Variants in ABCC1 observed in about 807,000 individuals in gnomAD.
The protein encoded by ABCC1 is multidrug resistance-associated protein 1.
ABCC1 carries 83 observed loss-of-function variants against 172.9 expected under a neutral mutation model. The ratio of observed to expected loss-of-function variants is 0.48; its 90% CI spans 0.40 to 0.58. The LOEUF is 0.58. Among genes scored for constraint, ABCC1 ranks in the 20% least tolerant of loss-of-function variants. The probability of loss-of-function intolerance (pLI) is 0.00; values close to 1 mark genes in which losing one functional copy is unlikely to be tolerated. For synonymous variants in ABCC1, 937 were observed against 825.2 expected, an observed-to-expected ratio of 1.14 and a Z score of -2.32; for missense variants, 1,817 against 2,002.7, an observed-to-expected ratio of 0.91 and a Z score of 1.77.
Position 16,006,189 on chromosome 16 carries a change from T to C in ABCC1, c.49-1627T>C, listed in dbSNP as rs58380698. ...TTGAATTGTGGTGGAGATAGGAAATTGAGACCCCAAAAAGGGTAGTAAGTT... is the reference window on the plus strand; with the variant it reads ...TTGAATTGTGGTGGAGATAGGAAATCGAGACCCCAAAAAGGGTAGTAAGTT... On this transcript the variant is annotated intron_variant, in intron 1 of 30. Transcript: ENST00000399410. Among the ~76,000 whole-genome samples the C allele has an allele frequency of 7.9e-3, 1,210 of 152,230 alleles. 18 individuals carry two copies. Among genetic ancestry groups the C allele is most frequent in the African/African-American group, 0.027 (1,128 of 41,522 alleles).
In ABCC1 at chr16:15,996,129, C is replaced by T. The variant is rs148992695; in HGVS notation, c.49-11687C>T. ...TCTCCTGAGTAGCTGGGACTACAGG[C>T]GCACGCCACCATGCCCGGCTAATTT... On this transcript the variant is annotated intron_variant, in intron 1 of 30. Coordinates refer to ENST00000399410, the MANE Select transcript of ABCC1 (RefSeq NM_004996.4). 1.2e-3 allele frequency among the ~76,000 whole-genome samples: 178 copies of T among 151,906 alleles called. 2 individuals are homozygous for T. The highest frequency in any genetic ancestry group is 3.4e-3 in the Middle Eastern group (1 of 294).
At chr16:16,095,025 C>T (rs2051415661) in intron 19 of ABCC1, 1 of 151,644 alleles carries the variant, frequency 6.6e-6, no homozygotes, top group South Asian at 2.1e-4. Context: ...ACCATGCTGA[C>T]CAGGCTGGTC....
intron 1 of ABCC1, among the ~76,000 whole-genome samples, chr16:15,967,629 G>C (rs215091): frequency 0.87 from 130,028 of 148,846 alleles, 57,193 homozygotes; most frequent in African/African-American, 0.97. Flanking sequence ...GGCATGATGG[G>C]ACATGCCTGT....
intron 1 of ABCC1, among the ~76,000 whole-genome samples, chr16:15,987,726 C>A (rs1167671665): frequency 6.6e-6 from 1 of 152,238 alleles, no homozygotes. Context: ...AAGTCAGAAT[C>A]CCTGCGGTGG....
At chr16:16,129,797 C>T (rs2045604682) in intron 26 of ABCC1, among the ~76,000 whole-genome samples, 1 of 152,128 alleles carries the variant, frequency 6.6e-6, no homozygotes. Flanking sequence ...CTCGGCCTCC[C>T]TAAGTGCTGG....
chr16:16,089,491 T>C (rs1319636214), intron 18 of ABCC1, among the ~76,000 whole-genome samples: 1 of 151,168 alleles, frequency 6.6e-6, no homozygotes, highest in Non-Finnish European at 1.5e-5. Context: ...TAGGTTGTGG[T>C]GAGCCGAGGT....
intron 1 of ABCC1, among the ~76,000 whole-genome samples, chr16:16,004,233 G>T (rs1304557023): frequency 9.1e-6 from 1 of 109,870 alleles, no homozygotes; most frequent in Non-Finnish European, 2.3e-5. Context: ...GGAAGCAGTT[G>T]CATAGTCCTG....
chr16:16,129,582 G>A (rs970296908), intron 26 of ABCC1, among the ~76,000 whole-genome samples: 3 of 149,456 alleles, frequency 2.0e-5, no homozygotes, highest in Admixed American at 6.7e-5. Flanking sequence ...GTGTCACCCA[G>A]ACTGGAGTGT....
chr16:16,034,394 C>T (rs1329235308), intron 6 of ABCC1, among the ~76,000 whole-genome samples: 6 of 152,022 alleles, frequency 3.9e-5, no homozygotes, highest in African/African-American at 7.2e-5. Flanking sequence ...CTTCAAGTTA[C>T]TATTAAAAAG....
At chr16:16,071,053 G>A (rs1010897639) in intron 13 of ABCC1, among the ~76,000 whole-genome samples, 4 of 151,940 alleles carry the variant, frequency 2.6e-5, no homozygotes, top group African/African-American at 9.7e-5. Flanking sequence ...TTTCCACCAG[G>A]CCTCTGCCCT....
intron 2 of ABCC1, among the ~76,000 whole-genome samples, chr16:16,008,456 T>C (rs1032386552): frequency 1.5e-4 from 23 of 151,790 alleles, no homozygotes; most frequent in Non-Finnish European, 2.9e-4. Context: ...CCTCCTGCCT[T>C]GGTCTCCCAA....
At chr16:16,064,154 G>C (rs775223805) in intron 12 of ABCC1, among the ~76,000 whole-genome samples, 1 of 152,128 alleles carries the variant, frequency 6.6e-6, no homozygotes, top group Non-Finnish European at 1.5e-5. Context: ...GGAGTGTAGG[G>C]GTTCCATTCA....
chr16:16,125,872 C>G lies in ABCC1; in HGVS notation c.3780C>G (p.Ala1260=), dbSNP rs9933640. 57 of 1,613,922 alleles carry G rather than the reference C, an allele frequency of 3.5e-5. No individual in the cohort carries two copies. The Admixed American group carries it at 9.0e-4, about 25-fold the overall frequency. Residue 1260 remains alanine, a synonymous_variant, in exon 26 of 31, where the codon GCC becomes GCG. Transcript: ENST00000399410. The part of the protein sequence containing the change: ...MSSEMETNIV[A]VERLKEYSET... ...CTGAAATGGAAACCAACATCGTGGC[C>G]GTGGAGAGGCTCAAGGAGTATTCAG...
At chr16:16,096,658 G>C (rs1310947244) in intron 19 of ABCC1, among the ~76,000 whole-genome samples, 1 of 152,228 alleles carries the variant, frequency 6.6e-6, no homozygotes, top group African/African-American at 2.4e-5. Context: ...AAAGCTGTGA[G>C]TTGAATTCTT....
rs1228532784 is a variant in ABCC1 at position 15,999,769 on chromosome 16, T to TTCTCTCTCTCTCTCTC, written c.49-8022_49-8007dup. On this transcript the variant is annotated intron_variant, in intron 1 of 30. Transcript: ENST00000399410. ...GTGTGAGCCTCTGTGCCCGGCCTCT[T>TTCTCTCTCTCTCTCTC]TCTCTCTCTCTCTCTCTCTCTCTCT... is the stretch of plus-strand genomic sequence containing the variant. Among the ~76,000 whole-genome samples, 59 of 25,366 alleles carry TTCTCTCTCTCTCTCTC rather than the reference T, an allele frequency of 2.3e-3. 22 individuals are homozygous for TTCTCTCTCTCTCTCTC. Among genetic ancestry groups the TTCTCTCTCTCTCTCTC allele is most frequent in the East Asian group, 8.8e-3 (6 of 682 alleles). 16.6% of individuals were successfully genotyped at this position (25,366 alleles called of 152,430 possible).
At chr16:16,095,952 G>A (rs1159724328) in intron 19 of ABCC1, among the ~76,000 whole-genome samples, 2 of 152,084 alleles carry the variant, frequency 1.3e-5, no homozygotes, top group Non-Finnish European at 1.5e-5. Flanking sequence ...GCTCATCGTA[G>A]ACATTTGCAA....
intron 19 of ABCC1, among the ~76,000 whole-genome samples, chr16:16,102,290 G>A (rs2051793913): frequency 6.6e-6 from 1 of 152,220 alleles, no homozygotes; most frequent in African/African-American, 2.4e-5. Context: ...CCTAGGAAGT[G>A]AGCTTAACAT....
chr16:16,094,270 C>G (rs1185063638), intron 19 of ABCC1: 1 of 268,278 alleles, frequency 3.7e-6, no homozygotes, highest in South Asian at 4.1e-5. Flanking sequence ...GAATCTGCAT[C>G]TGAACCCTTA....
intron 1 of ABCC1, among the ~76,000 whole-genome samples, chr16:15,989,434 C>T (rs1336113072): frequency 4.6e-5 from 7 of 152,114 alleles, no homozygotes; most frequent in Non-Finnish European, 1.0e-4. Flanking sequence ...TTCAGGAGTG[C>T]GGTGGGGAAA....
Sources: allele counts gnomAD v4.1 joint callset (sites outside exome capture counted in the v4.1 genomes callset), GRCh38; gene constraint gnomAD v4.1.1; transcripts MANE v1.5; gene names NCBI Gene and HGNC (gene_info 2026-07-23, HGNC 2026-07-21).